CDAN1: variants seen among roughly 807,000 people sequenced by gnomAD.
CDAN1 encodes the protein codanin-1.
A neutral mutation model predicts 139.8 loss-of-function variants in CDAN1; 107 were observed. The observed-to-expected ratio is 0.77, with a 90% CI of 0.65 to 0.90. The LOEUF is 0.90. Ranked by LOEUF, CDAN1 falls within the 40% of genes least tolerant of loss-of-function variation. CDAN1 has a pLI of 0.00. For missense variants in CDAN1, 1,667 were observed against 1,575.7 expected (o/e 1.06, Z -0.98); for synonymous variants, 776 against 660.6 (o/e 1.17, Z -2.68).
chr15:42,735,838 G>A (rs2061680015), intron 3 of CDAN1, 37 bp downstream of exon 3: 1 of 1,609,848 alleles, frequency 6.2e-7, no homozygotes, highest in Non-Finnish European at 8.5e-7. Flanking sequence ...CCCCCACAGC[G>A]AGGAAACCGA....
Position 42,724,490 on chromosome 15 carries a change from C to T in CDAN1, c.*1G>A. The T allele has an allele frequency of 2.5e-6, 4 of 1,577,152 alleles. No homozygotes were observed. Among genetic ancestry groups the T allele is most frequent in the Non-Finnish European group, 3.4e-6 (4 of 1,160,298 alleles). ...GCCCAAGGCAGGGCCACTTCTCAGC[C>T]CTAGCTCTGGGCCAGCACAGTGCCC... On this transcript the variant is annotated 3_prime_UTR_variant, in exon 28 of 28. Coordinates refer to ENST00000356231, the MANE Select transcript of CDAN1 (RefSeq NM_138477.4).
intron 11 of CDAN1, 56 bp from the exon 12 acceptor site, chr15:42,731,387 G>A: frequency 2.5e-6 from 4 of 1,609,606 alleles, no homozygotes; most frequent in South Asian, 1.1e-5. Context: ...GGAAAAGCCA[G>A]AATCGAGAAG....
intron 11 of CDAN1, 120 bp downstream of exon 11, chr15:42,731,500 A>G: frequency 7.1e-7 from 1 of 1,412,416 alleles, no homozygotes. Context: ...GAAGCCAGCA[A>G]GTTGGAGCTG....
At chr15:42,726,578 A>G (rs1012221103) in intron 23 of CDAN1, 161 bp from the exon 24 acceptor site, 7 of 623,986 alleles carry the variant, frequency 1.1e-5, no homozygotes, top group Admixed American at 5.2e-5. Context: ...CTTGGGCAGG[A>G]TAATACAGCC....
rs146716516 is a variant in CDAN1 at position 42,736,054 on chromosome 15, G to C, written c.594C>G (p.Asn198Lys). The part of the protein sequence containing the change: ...PTGTKPSRRI[N>K]PTPVSEERSL... Reference sequence around the variant, plus strand: ...ACCGCTCTTCGCTCACCGGAGTTGGGTTGATCCTGCGAGAAGGCTTCGTCC... The same window carrying C: ...ACCGCTCTTCGCTCACCGGAGTTGGCTTGATCCTGCGAGAAGGCTTCGTCC... The change falls in exon 3 of 28, where the codon AAC (asparagine) becomes AAG (lysine). Residue 198 changes from asparagine to lysine, a missense_variant. Physicochemically the swap from Asn to Lys is moderately conservative, Grantham distance 94. Around this residue, in one of 3 missense-constraint regions of CDAN1, gnomAD observed 487 missense variants for 422.2 expected, o/e 1.15. Coordinates refer to ENST00000356231, the MANE Select transcript of CDAN1 (RefSeq NM_138477.4). The C allele has an allele frequency of 1.6e-5, 26 of 1,614,182 alleles. No homozygotes were observed. The highest frequency in any genetic ancestry group is 1.9e-5 in the Non-Finnish European group (23 of 1,180,036).
At chr15:42,731,575 T>C (rs1158097063) in intron 11 of CDAN1, 45 bp downstream of exon 11, 1 of 1,601,428 alleles carries the variant, frequency 6.2e-7, no homozygotes, top group Admixed American at 1.7e-5. Context: ...AGCCAAACCT[T>C]TCCTGGCCTC....
intron 8 of CDAN1, among the ~76,000 whole-genome samples, 159 bp downstream of exon 8, chr15:42,733,779 G>A (rs1277489655): frequency 1.3e-5 from 2 of 152,216 alleles, no homozygotes; most frequent in Admixed American, 6.5e-5. Flanking sequence ...ACATGAGAAT[G>A]AAGCCAGGTG....
Position 42,734,012 on chromosome 15 carries a change from GA to G in CDAN1, c.1292del (p.Val431AlafsTer58). The G allele has an allele frequency of 1.2e-6, 2 of 1,614,126 alleles. No individual in the cohort carries two copies. Among genetic ancestry groups the G allele is most frequent in the Non-Finnish European group, 1.7e-6 (2 of 1,179,962 alleles). On this transcript the variant is annotated frameshift_variant, in exon 8 of 28. Coordinates refer to ENST00000356231, the MANE Select transcript of CDAN1 (RefSeq NM_138477.4). LOFTEE classifies it high-confidence loss of function. ...SLVMPPSTQA[V>X]SFQPETDNRA... ...GATTGTCAGTCTCTGGCTGAAAGGA[GA>G]CAGCTTGAGTAGAGGGAGGCATCAC...
In CDAN1 at chr15:42,725,472, T is replaced by C. The variant is rs141626745; in HGVS notation, c.3450+17A>G. On this transcript the variant is annotated intron_variant, in intron 26 of 27. Transcript: ENST00000356231. ...CAGAGTGTGACTGCAGAGGGCTTCT[T>C]GTTCCGTCTGACTCACCTCCCTTGG... is the stretch of plus-strand genomic sequence containing the variant. The C allele has an allele frequency of 2.8e-3, 4,587 of 1,614,114 alleles. 10 individuals carry two copies. Among genetic ancestry groups the C allele is most frequent in the Non-Finnish European group, 3.7e-3 (4,307 of 1,179,980 alleles).
At position 42,735,189 on chromosome 15, in the gene CDAN1, A is replaced by C. The variant is rs372671684; in HGVS notation, c.1058-11T>G. Reference sequence around the variant, plus strand: ...GACTTTCCAGGGAATCTAGAAGGACAGTACCAAGCTGTCAGTTAAGAACGG... The same window carrying C: ...GACTTTCCAGGGAATCTAGAAGGACCGTACCAAGCTGTCAGTTAAGAACGG... On this transcript the variant is annotated splice_polypyrimidine_tract_variant and intron_variant, in intron 5 of 27. Coordinates refer to ENST00000356231, the MANE Select transcript of CDAN1 (RefSeq NM_138477.4). 2.2e-4 allele frequency: 355 copies of C among 1,611,340 alleles called. No homozygotes were observed. Among genetic ancestry groups the C allele is most frequent in the Non-Finnish European group, 3.2e-5 (38 of 1,177,684 alleles).
intron 5 of CDAN1, 28 bp downstream of exon 5, chr15:42,735,233 T>A: frequency 1.2e-6 from 2 of 1,601,068 alleles, no homozygotes; most frequent in Non-Finnish European, 1.7e-6. Flanking sequence ...CTAGACCCCA[T>A]GTCTCAAAAG....
At chr15:42,729,177 C>T (rs368961483) in intron 18 of CDAN1, 51 bp from the exon 19 acceptor site, 181 of 1,609,770 alleles carry the variant, frequency 1.1e-4, no homozygotes, top group African/African-American at 4.1e-4. Context: ...TCCCTGTCCC[C>T]GCCCCCAACC....
At chr15:42,736,173 A>G in intron 2 of CDAN1, 95 bp from the exon 3 acceptor site, 1 of 1,572,216 alleles carries the variant, frequency 6.4e-7, no homozygotes, top group East Asian at 2.4e-5. Flanking sequence ...AAAAAACCCC[A>G]CAAAAACCCT....
intron 23 of CDAN1, 198 bp from the exon 24 acceptor site, chr15:42,726,615 AAG>A: frequency 3.3e-6 from 2 of 597,636 alleles, no homozygotes; most frequent in Non-Finnish European, 6.0e-6. Flanking sequence ...TGGACAACAA[AAG>A]AGGGAACAGA....
At chr15:42,731,108 G>A in intron 12 of CDAN1, 37 bp from the exon 13 acceptor site, 1 of 1,614,208 alleles carries the variant, frequency 6.2e-7, no homozygotes, top group Admixed American at 1.7e-5. Context: ...GTCCAAGCAT[G>A]AGGCTTCCAG....
chr15:42,724,729 C>T, intron 27 of CDAN1, 113 bp from the exon 28 acceptor site: 1 of 1,266,888 alleles, frequency 7.9e-7, no homozygotes, highest in Non-Finnish European at 1.1e-6. Flanking sequence ...TCTCAACTGC[C>T]CTCCACACTG....
At position 42,724,551 on chromosome 15, in the gene CDAN1, G is replaced by C. The variant is rs935714182; in HGVS notation, c.3624C>G (p.Pro1208=). Residue 1208 remains proline, a synonymous_variant, in exon 28 of 28, where the codon CCC becomes CCG. Coordinates refer to ENST00000356231, the MANE Select transcript of CDAN1 (RefSeq NM_138477.4). ...GCACCAACTCACAGGCTCTTAGCTG[G>C]GGTTCTGGCAGGTGGGGCTCGGCTA... ...LFLAEPHLPE[P]QLRACELVQP... is the part of the protein sequence containing the mutation. 3 of 1,560,044 alleles carry C rather than the reference G, an allele frequency of 1.9e-6. No homozygotes were observed.
Position 42,736,644 on chromosome 15 carries a change from G to A in CDAN1, c.227C>T (p.Pro76Leu), listed in dbSNP as rs1278171118. ...PQGPPTPAKT[P>L]GASAALPGRP... ...CCCTGGCAAGGCTGCCGAGGCGCCCGGGGTCTTGGCGGGGGTCGGGGGCCC... is the reference window on the plus strand; with the variant it reads ...CCCTGGCAAGGCTGCCGAGGCGCCCAGGGTCTTGGCGGGGGTCGGGGGCCC... The change falls in exon 2 of 28, where the codon CCG (proline) becomes CTG (leucine). Residue 76 changes from proline to leucine, a missense_variant. Physicochemically the swap from Pro to Leu is moderately conservative, Grantham distance 98. Transcript: ENST00000356231. 1.3e-6 allele frequency: 2 copies of A among 1,525,382 alleles called. No homozygotes were observed. The highest frequency in any genetic ancestry group is 1.2e-5 in the South Asian group (1 of 81,662). The allele number at this position is 1,525,382 out of a possible 1,614,324, so 94.5% of individuals were successfully genotyped here.
At chr15:42,732,562 G>C (rs1298003585) in intron 9 of CDAN1, among the ~76,000 whole-genome samples, 154 bp from the exon 10 acceptor site, 1 of 152,182 alleles carries the variant, frequency 6.6e-6, no homozygotes, top group Non-Finnish European at 1.5e-5. Flanking sequence ...CTGAAGGCAA[G>C]GGACACTCCC....
Sources: gnomAD v4.1 joint callset for allele counts (sites outside exome capture counted in the v4.1 genomes callset) on GRCh38, gnomAD v4.1.1 for gene constraint, gnomAD v4.1.1 regional missense constraint, MANE v1.5 for transcripts, NCBI Gene and HGNC (gene_info 2026-07-23, HGNC 2026-07-21) for gene names.